Variants in PKNOX1 observed in about 807,000 individuals in gnomAD.
PKNOX1 encodes PBX/knotted 1 homeobox 1, also known as homeobox protein PKNOX1.
PKNOX1 carries 15 observed loss-of-function variants against 51.9 expected under a neutral mutation model. The observed-to-expected ratio is 0.29, with a 90% CI of 0.19 to 0.45. The LOEUF is 0.45. Among genes scored for constraint, PKNOX1 ranks in the 20% least tolerant of loss-of-function variants. The probability of loss-of-function intolerance (pLI) is 1.00; values close to 1 mark genes in which losing one functional copy is unlikely to be tolerated. For missense variants in PKNOX1, 462 were observed against 547.5 expected, an observed-to-expected ratio of 0.84 and a Z score of 1.56; for synonymous variants, 219 against 211.1, an observed-to-expected ratio of 1.04 and a Z score of -0.32.
rs561425872 is a variant in PKNOX1 at position 43,020,081 on chromosome 21, G to A, written c.721-1222G>A. ...CTGAGTAGTGGGACTACAGGCATGT[G>A]CCACCTTGCCCAGTTAATTTTTAAA... On this transcript the variant is annotated intron_variant, in intron 7 of 10. Coordinates refer to ENST00000291547, the MANE Select transcript of PKNOX1 (RefSeq NM_004571.5). Among the ~76,000 whole-genome samples, 4 of 152,130 alleles carry A rather than the reference G, an allele frequency of 2.6e-5. No homozygotes were observed. In the South Asian group the frequency reaches 8.3e-4, roughly 32 times the overall value.
At chr21:42,990,130 A>T (rs1214159108) in intron 1 of PKNOX1, among the ~76,000 whole-genome samples, 2 of 151,582 alleles carry the variant, frequency 1.3e-5, no homozygotes. Flanking sequence ...AAGCGGACAC[A>T]GTGTGCCTGT....
At chr21:43,003,498 C>A (rs577384115) in intron 1 of PKNOX1, among the ~76,000 whole-genome samples, 1 of 152,168 alleles carries the variant, frequency 6.6e-6, no homozygotes, top group Non-Finnish European at 1.5e-5. Flanking sequence ...GTTAGCTGTT[C>A]CCTCTCTCTG....
At chr21:42,983,563 T>G (rs2059037286) in intron 1 of PKNOX1, among the ~76,000 whole-genome samples, 1 of 152,172 alleles carries the variant, frequency 6.6e-6, no homozygotes. Flanking sequence ...CTTCTACCTT[T>G]TGACTATTTT....
In PKNOX1 at chr21:43,021,620, G is replaced by A. The variant is rs1368548658; in HGVS notation, c.849+189G>A. ...GCAGGGAACTTGAAGGGCAATGAGG[G>A]CTGCCGTGAAGGAGCACCCGAGCAC... On this transcript the variant is annotated intron_variant, in intron 8 of 10. Coordinates refer to ENST00000291547, the MANE Select transcript of PKNOX1 (RefSeq NM_004571.5). This position sits in a 1 kb window ranked among gnomAD's most constrained non-coding sequence, Gnocchi z 4.6. 6.6e-6 allele frequency among the ~76,000 whole-genome samples: 1 copy of A among 152,248 alleles called. No individual in the cohort carries two copies. The highest frequency in any genetic ancestry group is 1.9e-4 in the East Asian group (1 of 5,194).
At chr21:42,976,299 AATG>A (rs1456063357) in intron 1 of PKNOX1, among the ~76,000 whole-genome samples, 4 of 152,238 alleles carry the variant, frequency 2.6e-5, no homozygotes, top group African/African-American at 4.8e-5. Flanking sequence ...TAAAAATACT[AATG>A]ATCATCTGAG....
At chr21:43,020,275 T>C (rs1301814657) in intron 7 of PKNOX1, among the ~76,000 whole-genome samples, 1 of 152,220 alleles carries the variant, frequency 6.6e-6, no homozygotes, top group Non-Finnish European at 1.5e-5. Flanking sequence ...GGCTGACCTA[T>C]CCATGCTGCG....
intron 9 of PKNOX1, among the ~76,000 whole-genome samples, chr21:43,027,712 G>C (rs1231403761): frequency 6.6e-6 from 1 of 152,048 alleles, no homozygotes; most frequent in Non-Finnish European, 1.5e-5. Context: ...AAGGTGAAGA[G>C]ATCGAGACCA....
chr21:43,014,170 T>C (rs372561497), intron 5 of PKNOX1, among the ~76,000 whole-genome samples: 150 of 152,024 alleles, frequency 9.9e-4, no homozygotes, highest in Middle Eastern at 3.4e-3. Context: ...TACAGGTGCC[T>C]GCCACCACAC....
chr21:43,032,159 C>T lies in PKNOX1; in HGVS notation c.*2058C>T, dbSNP rs1176926637. 2.2e-5 allele frequency: 10 copies of T among 456,038 alleles called. No homozygotes were observed. Among genetic ancestry groups the T allele is most frequent in the Middle Eastern group, 3.2e-4 (1 of 3,098 alleles). 28.2% of individuals were successfully genotyped at this position (456,038 alleles called of 1,614,324 possible). A position where few individuals can be genotyped will look rare whatever the true frequency, so the allele number is the denominator to read the frequency against. The stretch of plus-strand genomic sequence containing the variant: ...ACAGGTGTGAGCCACCGCGCCCGGC[C>T]GAGAATGACATCTTAAAGCCACCAT... On this transcript the variant is annotated 3_prime_UTR_variant, in exon 11 of 11. Coordinates refer to ENST00000291547, the MANE Select transcript of PKNOX1 (RefSeq NM_004571.5).
intron 5 of PKNOX1, among the ~76,000 whole-genome samples, 199 bp from the exon 6 acceptor site, chr21:43,016,709 G>A (rs990280791): frequency 6.6e-6 from 1 of 152,196 alleles, no homozygotes; most frequent in Non-Finnish European, 1.5e-5. Flanking sequence ...CTGGCTTGTT[G>A]TGTTTAATAC....
At chr21:43,023,739 C>T (rs1172657183) in intron 8 of PKNOX1, among the ~76,000 whole-genome samples, 3 of 151,902 alleles carry the variant, frequency 2.0e-5, no homozygotes, top group South Asian at 2.1e-4. Flanking sequence ...CTCAGCCTCC[C>T]GAATAGCTGG....
At chr21:43,003,938 T>A (rs1390349271) in intron 1 of PKNOX1, 1 of 157,678 alleles carries the variant, frequency 6.3e-6, no homozygotes, top group African/African-American at 2.4e-5. Flanking sequence ...TATGTATTTT[T>A]AAAAATTGGA....
intron 3 of PKNOX1, among the ~76,000 whole-genome samples, chr21:43,009,226 T>G (rs577877607): frequency 6.6e-6 from 1 of 152,208 alleles, no homozygotes; most frequent in South Asian, 2.1e-4. Flanking sequence ...GGCGGTTGGA[T>G]CATCTGAGGT....
In PKNOX1 at chr21:42,998,567, G is replaced by A. The variant is rs770269078; in HGVS notation, c.-56-5759G>A. 3.5e-4 allele frequency among the ~76,000 whole-genome samples: 53 copies of A among 152,150 alleles called. 2 individuals are homozygous for A. Among genetic ancestry groups the A allele is most frequent in the Admixed American group, 2.9e-3 (45 of 15,264 alleles). Reference sequence around the variant, plus strand: ...TGTATGAGCCTGTAAAATCAAAAGCGGGTTAGTTACTTCCTAAATACAGTG... The same window carrying A: ...TGTATGAGCCTGTAAAATCAAAAGCAGGTTAGTTACTTCCTAAATACAGTG... On this transcript the variant is annotated intron_variant, in intron 1 of 10. Transcript: ENST00000291547.
chr21:43,025,366 G>A (rs1399811010), intron 9 of PKNOX1, among the ~76,000 whole-genome samples: 2 of 152,208 alleles, frequency 1.3e-5, no homozygotes, highest in Non-Finnish European at 2.9e-5. Context: ...GTGATGTGTT[G>A]TTAGTGGATG....
intron 1 of PKNOX1, among the ~76,000 whole-genome samples, chr21:42,991,650 C>T (rs1359588695): frequency 6.6e-6 from 1 of 151,948 alleles, no homozygotes; most frequent in Non-Finnish European, 1.5e-5. Context: ...ATGGCGTGAA[C>T]CCCAGAGGCG....
rs1980377186 is a variant in PKNOX1, at chr21:43,033,681, G to A, written c.*3580G>A. On this transcript the variant is annotated 3_prime_UTR_variant, in exon 11 of 11. Transcript: ENST00000291547. ...TTCATGTTTTCTGGTGACATGTAGG[G>A]TCTGTAGTCACCCCTGCATATTGAG... is the stretch of plus-strand genomic sequence containing the variant. 2 of 152,124 alleles carry A rather than the reference G, an allele frequency of 1.3e-5. No homozygotes were observed. Among genetic ancestry groups the A allele is most frequent in the African/African-American group, 4.8e-5 (2 of 41,438 alleles). 9.4% of individuals were successfully genotyped at this position (152,124 alleles called of 1,614,324 possible).
chr21:42,974,710 C>T, intron 1 of PKNOX1, 46 bp downstream of exon 1: 2 of 165,310 alleles, frequency 1.2e-5, no homozygotes, highest in Non-Finnish European at 2.5e-5. Flanking sequence ...GCCGCTCTCG[C>T]CGCCGCCGTC....
chr21:42,993,725 CTTTTTTTTTCTTTTTT>C (rs1221082725), intron 1 of PKNOX1, among the ~76,000 whole-genome samples: 7 of 4,294 alleles, frequency 1.6e-3, no homozygotes, highest in African/African-American at 7.0e-3. Flanking sequence ...TTCGTTAACT[CTTTTTTTTTCTTTTTT>C]TTTTTTTTTG....
Sources: allele counts gnomAD v4.1 joint callset (sites outside exome capture counted in the v4.1 genomes callset), GRCh38; gene constraint gnomAD v4.1.1; non-coding constraint Gnocchi (gnomAD v3.1); transcripts MANE v1.5; gene names NCBI Gene and HGNC (gene_info 2026-07-23, HGNC 2026-07-21).